The following NELL2 variants were observed in gnomAD, a reference collection of about 807,000 sequenced individuals.
NELL2 encodes the protein neural EGFL like 2.
A neutral mutation model predicts 109.6 loss-of-function variants in NELL2; 41 were observed. That is an observed-to-expected ratio of 0.37 (90% confidence interval 0.29 to 0.49). The LOEUF (loss-of-function observed/expected upper bound fraction) is 0.49. Among genes scored for constraint, NELL2 ranks in the 20% least tolerant of loss-of-function variants. The probability of loss-of-function intolerance (pLI) is 0.98; values close to 1 mark genes in which losing one functional copy is unlikely to be tolerated. For synonymous variants in NELL2, 355 were observed against 344.7 expected (o/e 1.03, Z -0.33); for missense variants, 900 against 1,008.3 (o/e 0.89, Z 1.45).
intron 9 of NELL2, among the ~76,000 whole-genome samples, chr12:44,760,375 A>G (rs2136547255): frequency 6.6e-6 from 1 of 152,322 alleles, no homozygotes; most frequent in East Asian, 1.9e-4. Flanking sequence ...AAGCTATTAA[A>G]TCAATTTAGA....
At chr12:44,702,612 T>G (rs1949263175) in intron 12 of NELL2, among the ~76,000 whole-genome samples, 2 of 152,152 alleles carry the variant, frequency 1.3e-5, no homozygotes, top group South Asian at 4.1e-4. Context: ...CTATGTTATG[T>G]AAGGGTAAAA....
intron 3 of NELL2, among the ~76,000 whole-genome samples, chr12:44,804,674 C>T (rs1942941775): frequency 6.6e-6 from 1 of 151,742 alleles, no homozygotes. Context: ...TTCACATTGA[C>T]ATGAAAAGAC....
chr12:44,520,838 T>A (rs548248600), intron 18 of NELL2, among the ~76,000 whole-genome samples: 15 of 152,354 alleles, frequency 9.8e-5, no homozygotes, highest in African/African-American at 3.4e-4. Context: ...TTCCCACCTG[T>A]TTCCTATTTT....
chr12:44,600,255 C>A (rs186076584), intron 15 of NELL2, among the ~76,000 whole-genome samples: 1 of 150,866 alleles, frequency 6.6e-6, no homozygotes, highest in African/African-American at 2.4e-5. Context: ...GTGATCCGCC[C>A]GCCTCGTCCT....
chr12:44,913,781 T>C (rs1200432887), intron 1 of NELL2: 6 of 826,058 alleles, frequency 7.3e-6, no homozygotes, highest in Non-Finnish European at 1.1e-5. Flanking sequence ...AAAATTAAAA[T>C]GATAAGAAAG....
At chr12:44,613,776 T>C (rs1283481100) in intron 13 of NELL2, among the ~76,000 whole-genome samples, 1 of 151,962 alleles carries the variant, frequency 6.6e-6, no homozygotes, top group African/African-American at 2.4e-5. Context: ...AACAAGCAAA[T>C]ATTCTGTAAA....
intron 13 of NELL2, among the ~76,000 whole-genome samples, chr12:44,629,304 A>G (rs559755245): frequency 7.9e-5 from 12 of 152,336 alleles, no homozygotes; most frequent in African/African-American, 2.4e-4. Flanking sequence ...ATTTAAAAAA[A>G]TTAAATTTTA....
At chr12:44,869,386 C>T (rs1292933398) in intron 2 of NELL2, among the ~76,000 whole-genome samples, 2 of 152,134 alleles carry the variant, frequency 1.3e-5, no homozygotes, top group African/African-American at 4.8e-5. Flanking sequence ...TTGAATTAAC[C>T]TTCTTTTTTC....
At chr12:44,549,086 A>T (rs1942923069) in intron 15 of NELL2, among the ~76,000 whole-genome samples, 1 of 152,198 alleles carries the variant, frequency 6.6e-6, no homozygotes, top group Admixed American at 6.5e-5. Flanking sequence ...GTTGGCTGTA[A>T]ATTTTTCTAC....
intron 15 of NELL2, among the ~76,000 whole-genome samples, chr12:44,581,210 A>C (rs1211623656): frequency 6.6e-6 from 1 of 152,186 alleles, no homozygotes; most frequent in Non-Finnish European, 1.5e-5. Context: ...ATGTGCCACT[A>C]ATTGGACGGC....
At chr12:44,610,371 G>A (rs1040131770) in intron 14 of NELL2, among the ~76,000 whole-genome samples, 1 of 152,008 alleles carries the variant, frequency 6.6e-6, no homozygotes, top group South Asian at 2.1e-4. Context: ...GTTTGGGCTC[G>A]AAAAGAAACA....
Position 44,668,045 on chromosome 12 carries a change from T to A in NELL2, c.1319-2436A>T, listed in dbSNP as rs772305506. Among the ~76,000 whole-genome samples the A allele has an allele frequency of 2.0e-5, 3 of 152,022 alleles. No individual in the cohort carries two copies. In the East Asian group the frequency reaches 5.8e-4, roughly 29 times the overall value. On this transcript the variant is annotated intron_variant, in intron 12 of 19. Transcript: ENST00000429094. ...AGAGGCCATCCCTCAAAAGACAACA[T>A]CCTGTCCTGAGGCCCAAAAGCCCCT...
chr12:44,742,625 A>G (rs1183789803), intron 9 of NELL2, among the ~76,000 whole-genome samples: 2 of 152,224 alleles, frequency 1.3e-5, no homozygotes, highest in Non-Finnish European at 2.9e-5. Context: ...GACCTGATGG[A>G]GCTGAAAACC....
At chr12:44,862,922 A>C (rs575513572) in intron 2 of NELL2, among the ~76,000 whole-genome samples, 2 of 152,328 alleles carry the variant, frequency 1.3e-5, no homozygotes, top group South Asian at 4.1e-4. Flanking sequence ...GGAAGAAGAA[A>C]GAGACAAGTA....
intron 1 of NELL2, among the ~76,000 whole-genome samples, chr12:44,911,039 T>C (rs1000733133): frequency 5.3e-5 from 8 of 151,978 alleles, no homozygotes; most frequent in Non-Finnish European, 1.0e-4. Context: ...GAAAAATTGT[T>C]GCATACTATG....
At chr12:44,745,285 T>C (rs1045213020) in intron 9 of NELL2, among the ~76,000 whole-genome samples, 49 of 152,260 alleles carry the variant, frequency 3.2e-4, no homozygotes, top group African/African-American at 1.2e-3. Context: ...AAATTAGATA[T>C]TGATGGGACG....
At position 44,631,308 on chromosome 12, in the gene NELL2, CAT is replaced by C. The variant is rs1320073612; in HGVS notation, c.1445-20340_1445-20339del. Among the ~76,000 whole-genome samples, 7 of 150,652 alleles carry C rather than the reference CAT, an allele frequency of 4.6e-5. No individual in the cohort carries two copies. In the East Asian group the frequency reaches 1.4e-3, roughly 29 times the overall value. On this transcript the variant is annotated intron_variant, in intron 13 of 19. Transcript: ENST00000429094. ...ATAAAGTAGCAAAAGCAGAGTTCCA[CAT>C]GTTATGGGGAAAACACATCCAAAGA...
chr12:44,753,536 G>T (rs1245644539), intron 9 of NELL2, among the ~76,000 whole-genome samples: 1 of 152,174 alleles, frequency 6.6e-6, no homozygotes, highest in African/African-American at 2.4e-5. Flanking sequence ...TATTTTTGGG[G>T]AACAGTGAGT....
chr12:44,727,048 G>A (rs918778091), intron 9 of NELL2, among the ~76,000 whole-genome samples: 1 of 152,096 alleles, frequency 6.6e-6, no homozygotes, highest in Non-Finnish European at 1.5e-5. Flanking sequence ...AGTAGATCTA[G>A]AGTGAGACAT....
Sources: allele counts gnomAD v4.1 joint callset (sites outside exome capture counted in the v4.1 genomes callset), GRCh38; gene constraint gnomAD v4.1.1; transcripts MANE v1.5; gene names NCBI Gene and HGNC (gene_info 2026-07-23, HGNC 2026-07-21).